GABRG3: variants seen among roughly 807,000 people sequenced by gnomAD.
GABRG3 encodes the protein gamma-aminobutyric acid receptor subunit gamma-3.
A neutral mutation model predicts 48.8 loss-of-function variants in GABRG3; 25 were observed. The ratio of observed to expected loss-of-function variants is 0.51; its 90% CI spans 0.37 to 0.72. The LOEUF is 0.72. Among genes scored for constraint, GABRG3 ranks in the 30% least tolerant of loss-of-function variants. The probability of loss-of-function intolerance (pLI) is 0.00; values close to 1 mark genes in which losing one functional copy is unlikely to be tolerated. For synonymous variants in GABRG3, 227 were observed against 217.6 expected, an observed-to-expected ratio of 1.04 and a Z score of -0.38; for missense variants, 394 against 577.9, an observed-to-expected ratio of 0.68 and a Z score of 3.26.
At chr15:27,164,052 A>G (rs530980281) in intron 3 of GABRG3, among the ~76,000 whole-genome samples, 1 of 152,242 alleles carries the variant, frequency 6.6e-6, no homozygotes, top group African/African-American at 2.4e-5. Flanking sequence ...TACACATAGA[A>G]TAAATTAGAA....
intron 3 of GABRG3, among the ~76,000 whole-genome samples, chr15:27,264,633 TA>T (rs1890864408): frequency 6.6e-6 from 1 of 151,074 alleles, no homozygotes; most frequent in African/African-American, 2.4e-5. Flanking sequence ...AAAAAAACCT[TA>T]TGAATACTCC....
intron 3 of GABRG3, among the ~76,000 whole-genome samples, chr15:27,139,774 C>T (rs893684153): frequency 2.0e-5 from 3 of 152,188 alleles, no homozygotes; most frequent in Non-Finnish European, 2.9e-5. Context: ...TGATGGCTGG[C>T]AGTCCCTAGG....
At chr15:27,405,121 G>A (rs186252992) in intron 5 of GABRG3, among the ~76,000 whole-genome samples, 91 of 152,248 alleles carry the variant, frequency 6.0e-4, no homozygotes, top group Middle Eastern at 3.4e-3. Context: ...ATGATGAAAG[G>A]ATGCATTCTT....
At chr15:27,052,776 A>G (rs867059901) in intron 3 of GABRG3, among the ~76,000 whole-genome samples, 2 of 152,252 alleles carry the variant, frequency 1.3e-5, no homozygotes, top group South Asian at 4.1e-4. Context: ...CTGCAAGACT[A>G]CATTAACCAA....
At chr15:27,040,939 C>T (rs1477811866) in intron 3 of GABRG3, among the ~76,000 whole-genome samples, 1 of 152,162 alleles carries the variant, frequency 6.6e-6, no homozygotes, top group Non-Finnish European at 1.5e-5. Flanking sequence ...GACCCTGTTT[C>T]TGTGAAGAGT....
chr15:27,464,356 T>C (rs1889539660), intron 5 of GABRG3, among the ~76,000 whole-genome samples: 1 of 152,226 alleles, frequency 6.6e-6, no homozygotes, highest in Non-Finnish European at 1.5e-5. Context: ...AAGTGAATTA[T>C]ACATTATGTG....
chr15:27,310,179 G>A (rs1415885647), intron 3 of GABRG3, among the ~76,000 whole-genome samples: 1 of 152,032 alleles, frequency 6.6e-6, no homozygotes, highest in African/African-American at 2.4e-5. Flanking sequence ...GCAGTTATGG[G>A]TAGGGAAGGG....
At position 27,532,848 on chromosome 15, in the gene GABRG3, C is replaced by G. The variant is rs1280995721; in HGVS notation, c.1371C>G (p.Asn457Lys). The change falls in exon 10 of 10, where the codon AAC becomes AAG. Residue 457 changes from asparagine (N) to lysine (K), a missense_variant. Physicochemically the swap from Asn to Lys is moderately conservative, Grantham distance 94. Coordinates refer to ENST00000615808, the MANE Select transcript of GABRG3 (RefSeq NM_033223.5). ...TCCCCACGTCCTTCCTGCTCTTTAA[C>G]CTGGTCTACTGGGTTGGATACCTGT... is the stretch of plus-strand genomic sequence containing the variant. ...VFFPTSFLLF[N>K]LVYWVGYLYL is the part of the protein sequence containing the mutation. 1 of 1,613,858 alleles carries G rather than the reference C, an allele frequency of 6.2e-7. No homozygotes were observed. Among genetic ancestry groups the G allele is most frequent in the Non-Finnish European group, 8.5e-7 (1 of 1,179,882 alleles).
intron 3 of GABRG3, among the ~76,000 whole-genome samples, chr15:27,142,801 G>T (rs566751658): frequency 1.3e-4 from 20 of 151,814 alleles, no homozygotes; most frequent in African/African-American, 2.9e-4. Flanking sequence ...TTGAGACAGG[G>T]TTTTGTCTGT....
intron 3 of GABRG3, among the ~76,000 whole-genome samples, chr15:27,228,086 A>G (rs986113273): frequency 6.6e-6 from 1 of 152,272 alleles, no homozygotes; most frequent in East Asian, 1.9e-4. Context: ...TTTAATTTTT[A>G]TTTTAGGTTT....
chr15:27,244,134 A>G (rs933255769), intron 3 of GABRG3, among the ~76,000 whole-genome samples: 1 of 152,110 alleles, frequency 6.6e-6, no homozygotes, highest in Non-Finnish European at 1.5e-5. Flanking sequence ...CTATCCACCA[A>G]CCATCTTTTT....
At position 27,371,140 on chromosome 15, in the gene GABRG3, A is replaced by G. The variant is rs142581512; in HGVS notation, c.574+42252A>G. Among the ~76,000 whole-genome samples, 149 of 152,236 alleles carry G rather than the reference A, an allele frequency of 9.8e-4. 3 individuals are homozygous for G. The highest frequency in any genetic ancestry group is 3.2e-3 in the African/African-American group (133 of 41,536). On this transcript the variant is annotated intron_variant, in intron 5 of 9. Coordinates refer to ENST00000615808, the MANE Select transcript of GABRG3 (RefSeq NM_033223.5). ...ATTGTTGGAAACTCCTACCAGAATT[A>G]GAAACAACATTTTGTGGAAAAAAAA...
intron 3 of GABRG3, among the ~76,000 whole-genome samples, chr15:27,261,589 G>A (rs997099388): frequency 2.0e-5 from 3 of 150,852 alleles, no homozygotes; most frequent in Admixed American, 6.6e-5. Context: ...ATGAAGGTGT[G>A]TAATTAAATA....
intron 3 of GABRG3, among the ~76,000 whole-genome samples, chr15:27,032,377 A>G (rs1896101314): frequency 6.6e-6 from 1 of 152,102 alleles, no homozygotes; most frequent in African/African-American, 2.4e-5. Flanking sequence ...TGCCTGATGT[A>G]TTAGTCTGTT....
At chr15:27,124,643 C>T (rs924794251) in intron 3 of GABRG3, among the ~76,000 whole-genome samples, 17 of 152,150 alleles carry the variant, frequency 1.1e-4, no homozygotes, top group Non-Finnish European at 2.1e-4. Flanking sequence ...CCTGACTCAG[C>T]GCCTCTTGGC....
intron 2 of GABRG3, among the ~76,000 whole-genome samples, chr15:27,001,687 G>A (rs751841428): frequency 3.9e-5 from 6 of 152,132 alleles, no homozygotes; most frequent in Non-Finnish European, 8.8e-5. Context: ...TATTAGCTTT[G>A]TGCTCACCAC....
intron 5 of GABRG3, among the ~76,000 whole-genome samples, chr15:27,461,184 T>C (rs1889437260): frequency 6.6e-6 from 1 of 152,180 alleles, no homozygotes; most frequent in South Asian, 2.1e-4. Context: ...GCTTCCTTAT[T>C]AATGGCATCA....
intron 3 of GABRG3, among the ~76,000 whole-genome samples, chr15:27,113,978 G>A (rs1897599746): frequency 1.3e-5 from 2 of 152,152 alleles, no homozygotes; most frequent in South Asian, 4.1e-4. Context: ...CCTTTCTAAA[G>A]GCAAGAGATA....
Position 27,003,425 on chromosome 15 carries a change from T to C in GABRG3, c.203-23329T>C, listed in dbSNP as rs375426368. ...TGAGATTAGGGAGTGGTGATGACTC[T>C]TAACGAGCATGCTGCCTTCAAGCAT... On this transcript the variant is annotated intron_variant, in intron 2 of 9. Coordinates refer to ENST00000615808, the MANE Select transcript of GABRG3 (RefSeq NM_033223.5). 2.6e-3 allele frequency among the ~76,000 whole-genome samples: 392 copies of C among 151,160 alleles called. 4 individuals carry two copies. The highest frequency in any genetic ancestry group is 0.026 in the East Asian group (133 of 5,150).
Sources: allele counts gnomAD v4.1 joint callset (sites outside exome capture counted in the v4.1 genomes callset), GRCh38; gene constraint gnomAD v4.1.1; transcripts MANE v1.5; gene names NCBI Gene and HGNC (gene_info 2026-07-23, HGNC 2026-07-21).